The following SPATA19 variants were observed in gnomAD, a reference collection of about 807,000 sequenced individuals.
SPATA19 encodes the protein spermatogenesis associated 19, also known as spermatogenesis-associated protein 19, mitochondrial.
Under a neutral mutation model 25.0 loss-of-function variants are expected in SPATA19, and 19 were observed. The observed-to-expected ratio is 0.76, with a 90% CI of 0.53 to 1.11. SPATA19 has a LOEUF of 1.11. Ranked by LOEUF, SPATA19 falls within the 50% of genes most tolerant of loss-of-function variation. The pLI, the probability that SPATA19 is intolerant of heterozygous loss-of-function variation, is 0.00. For synonymous variants in SPATA19, 64 were observed against 69.3 expected, an observed-to-expected ratio of 0.92 and a Z score of 0.38; for missense variants, 222 against 211.4, an observed-to-expected ratio of 1.05 and a Z score of -0.31.
downstream of SPATA19, among the ~76,000 whole-genome samples, chr11:133,839,864 G>A (rs916226692): frequency 4.0e-5 from 6 of 151,728 alleles, no homozygotes; most frequent in South Asian, 4.2e-4. Context: ...AAGAATACCC[G>A]CAAAAAAGAG....
At chr11:133,839,227 C>T (rs1938259826), downstream of SPATA19, among the ~76,000 whole-genome samples, 7 of 152,244 alleles carry the variant, frequency 4.6e-5, no homozygotes, top group South Asian at 1.2e-3. Context: ...AAGACACATG[C>T]ACACGTATGT....
intron 4 of SPATA19, 73 bp downstream of exon 4, chr11:133,844,173 A>C (rs1189847308): frequency 8.1e-7 from 1 of 1,232,700 alleles, no homozygotes; most frequent in Non-Finnish European, 1.2e-6. Flanking sequence ...AGAGCATCTG[A>C]GGGTTCGTGA....
At chr11:133,837,619 C>T (rs1366945159), downstream of SPATA19, among the ~76,000 whole-genome samples, 1 of 152,094 alleles carries the variant, frequency 6.6e-6, no homozygotes, top group Non-Finnish European at 1.5e-5. Flanking sequence ...AAGGGGAATA[C>T]CCAACTCCAG....
downstream of SPATA19, among the ~76,000 whole-genome samples, chr11:133,838,282 G>T (rs79458005): frequency 8.8e-4 from 134 of 151,956 alleles, 2 homozygotes; most frequent in East Asian, 0.024. Context: ...GAAACTCTAA[G>T]AAAAAAAGTC....
chr11:133,836,791 G>T (rs1818789415), downstream of SPATA19, among the ~76,000 whole-genome samples: 1 of 152,172 alleles, frequency 6.6e-6, no homozygotes, highest in African/African-American at 2.4e-5. Flanking sequence ...TTCTACCAGG[G>T]CAGGGACCAG....
chr11:133,837,788 A>C (rs114558043), downstream of SPATA19, among the ~76,000 whole-genome samples: 1,445 of 152,248 alleles, frequency 9.5e-3, 23 homozygotes, highest in African/African-American at 0.033. Context: ...TATCACCACA[A>C]TATAGGCTTC....
chr11:133,844,437 T>C, intron 3 of SPATA19, 72 bp downstream of exon 3: 4 of 1,612,760 alleles, frequency 2.5e-6, no homozygotes, highest in Non-Finnish European at 3.4e-6. Context: ...CCAGAATCAT[T>C]TACGGTGCAC....
At chr11:133,836,275 C>T (rs1372449029), downstream of SPATA19, among the ~76,000 whole-genome samples, 1 of 152,174 alleles carries the variant, frequency 6.6e-6, no homozygotes, top group Non-Finnish European at 1.5e-5. Context: ...ACCTCCTACT[C>T]ATCCTCTACT....
chr11:133,841,231 CTTAAG>C (rs1307537728), intron 6 of SPATA19, among the ~76,000 whole-genome samples: 1 of 152,148 alleles, frequency 6.6e-6, no homozygotes, highest in Admixed American at 6.5e-5. Flanking sequence ...CCGGGCTTGA[CTTAAG>C]TTCTGCCTTC....
At chr11:133,843,088 G>C (rs115634489) in intron 4 of SPATA19, among the ~76,000 whole-genome samples, 1 of 152,160 alleles carries the variant, frequency 6.6e-6, no homozygotes, top group Non-Finnish European at 1.5e-5. Flanking sequence ...AGTGGGTTGT[G>C]GGGGGAGATA....
intron 4 of SPATA19, among the ~76,000 whole-genome samples, chr11:133,843,784 G>A (rs941525023): frequency 6.6e-6 from 1 of 152,218 alleles, no homozygotes; most frequent in East Asian, 1.9e-4. Context: ...GAGAGGCAGT[G>A]GGGACGGCTG....
chr11:133,841,925 G>C lies in SPATA19; in HGVS notation c.*9+105C>G, dbSNP rs543057718. 39 of 1,121,600 alleles carry C rather than the reference G, an allele frequency of 3.5e-5. No individual in the cohort carries two copies. The African/African-American group carries it at 4.6e-4, about 13-fold the overall frequency. 69.5% of individuals were successfully genotyped at this position (1,121,600 alleles called of 1,614,324 possible). ...CCTGAGTGCAGGCCCTTCCCCAGTA[G>C]GGAAAAGCTAAGCCTCTTTACCAAG... On this transcript the variant is annotated intron_variant, in intron 6 of 6. Transcript: ENST00000299140.
intron 4 of SPATA19, among the ~76,000 whole-genome samples, chr11:133,843,817 G>A (rs1223272847): frequency 6.6e-6 from 1 of 152,224 alleles, no homozygotes; most frequent in Non-Finnish European, 1.5e-5. Flanking sequence ...CACCCGGGAC[G>A]CTGGCGAAGC....
chr11:133,844,675 T>C (rs369726969), intron 2 of SPATA19, 35 bp from the exon 3 acceptor site: 3 of 1,564,338 alleles, frequency 1.9e-6, no homozygotes, highest in Non-Finnish European at 2.6e-6. Flanking sequence ...AAAATGTCAC[T>C]CTGCATCCAA....
downstream of SPATA19, among the ~76,000 whole-genome samples, chr11:133,837,070 G>T (rs934602555): frequency 6.6e-6 from 1 of 152,210 alleles, no homozygotes; most frequent in South Asian, 2.1e-4. Flanking sequence ...AACATCAGTG[G>T]TCATTCTCGT....
Position 133,844,522 on chromosome 11 carries a change from A to G in SPATA19, c.254T>C (p.Val85Ala). ...ACTCTCATTTACCACATCTCTGGTCACGTGGATGTCCTGGCCATGGGTGGG... is the reference window on the plus strand; with the variant it reads ...ACTCTCATTTACCACATCTCTGGTCGCGTGGATGTCCTGGCCATGGGTGGG... The part of the protein sequence containing the change: ...SPPTHGQDIH[V>A]TRDVVKHHLS... The change falls in exon 3 of 7, where the codon GTG becomes GCG. Residue 85 changes from valine (V) to alanine (A), a missense_variant. Physicochemically the swap from Val to Ala is moderately conservative, Grantham distance 64. Coordinates refer to ENST00000299140, the MANE Select transcript of SPATA19 (RefSeq NM_174927.3). 1 of 1,614,164 alleles carries G rather than the reference A, an allele frequency of 6.2e-7. No individual in the cohort carries two copies. Among genetic ancestry groups the G allele is most frequent in the Non-Finnish European group, 8.5e-7 (1 of 1,180,016 alleles).
chr11:133,839,544 G>T (rs532844411), downstream of SPATA19, among the ~76,000 whole-genome samples: 7 of 147,182 alleles, frequency 4.8e-5, no homozygotes, highest in African/African-American at 1.0e-4. Context: ...GGTAGGGGAG[G>T]GGGGAGGGAT....
At chr11:133,841,390 CA>C (rs1400142806) in intron 6 of SPATA19, among the ~76,000 whole-genome samples, 2 of 152,220 alleles carry the variant, frequency 1.3e-5, no homozygotes, top group Non-Finnish European at 2.9e-5. Context: ...TTCCTGTAAG[CA>C]TGCTGAGGTC....
chr11:133,845,308 T>C (rs780586990), intron 1 of SPATA19, 61 bp downstream of exon 1: 74 of 1,449,104 alleles, frequency 5.1e-5, no homozygotes, highest in Non-Finnish European at 6.9e-5. Context: ...TGCAGCAGGG[T>C]CCCACAGGGG....
Sources: gnomAD v4.1 joint callset for allele counts (sites outside exome capture counted in the v4.1 genomes callset) on GRCh38, gnomAD v4.1.1 for gene constraint, MANE v1.5 for transcripts, NCBI Gene and HGNC (gene_info 2026-07-23, HGNC 2026-07-21) for gene names.